The following HECW1 variants were observed in gnomAD, a reference collection of about 807,000 sequenced individuals.
The protein encoded by HECW1 is E3 ubiquitin-protein ligase HECW1.
HECW1 carries 61 observed loss-of-function variants against 182.3 expected under a neutral mutation model. The ratio of observed to expected loss-of-function variants is 0.33; its 90% CI spans 0.27 to 0.41. The LOEUF is 0.41. Ranked by LOEUF, HECW1 falls within the 10% of genes least tolerant of loss-of-function variation. HECW1 has a pLI of 1.00. For synonymous variants in HECW1, 859 were observed against 832.6 expected, an observed-to-expected ratio of 1.03 and a Z score of -0.55; for missense variants, 1,739 against 2,108.9, an observed-to-expected ratio of 0.82 and a Z score of 3.44.
intron 6 of HECW1, among the ~76,000 whole-genome samples, chr7:43,375,774 T>A (rs2074296487): frequency 6.7e-6 from 1 of 150,182 alleles, no homozygotes; most frequent in Non-Finnish European, 1.5e-5. Context: ...GTGCCTGTAA[T>A]CCCAGCTACT....
At chr7:43,280,407 G>A (rs926498218) in intron 3 of HECW1, among the ~76,000 whole-genome samples, 2 of 152,106 alleles carry the variant, frequency 1.3e-5, no homozygotes, top group Non-Finnish European at 2.9e-5. Context: ...CTCCAAAAAA[G>A]GGCGATTAAA....
chr7:43,534,832 C>T (rs1333781875), intron 24 of HECW1, among the ~76,000 whole-genome samples: 3 of 152,192 alleles, frequency 2.0e-5, no homozygotes, highest in Admixed American at 6.5e-5. Flanking sequence ...GCCCAATCCA[C>T]GTTTTCACTC....
chr7:43,114,877 T>G (rs1784919169), intron 2 of HECW1, among the ~76,000 whole-genome samples: 1 of 152,240 alleles, frequency 6.6e-6, no homozygotes, highest in African/African-American at 2.4e-5. Context: ...CTGTTATTTG[T>G]GTATATAGCA....
intron 2 of HECW1, among the ~76,000 whole-genome samples, chr7:43,125,584 G>C (rs189055136): frequency 5.6e-4 from 84 of 150,680 alleles, no homozygotes; most frequent in African/African-American, 1.8e-3. Context: ...GTGAAACCTC[G>C]TCTGTACTAA....
chr7:43,362,407 G>A (rs1373595133), intron 6 of HECW1, among the ~76,000 whole-genome samples: 1 of 152,198 alleles, frequency 6.6e-6, no homozygotes, highest in Admixed American at 6.5e-5. Context: ...AGTGGGAAGA[G>A]AGGGAGAGGC....
intron 3 of HECW1, among the ~76,000 whole-genome samples, chr7:43,272,051 C>A (rs1324965780): frequency 6.6e-6 from 1 of 151,946 alleles, no homozygotes; most frequent in Non-Finnish European, 1.5e-5. Flanking sequence ...CACCCCCCTA[C>A]AGTCATGTAA....
At position 43,443,422 on chromosome 7, in the gene HECW1, A is replaced by G. The variant is rs150861238; in HGVS notation, c.1045+793A>G. Among the ~76,000 whole-genome samples the G allele has an allele frequency of 7.8e-3, 1,183 of 152,340 alleles. 10 individuals are homozygous for G. Among genetic ancestry groups the G allele is most frequent in the Admixed American group, 0.012 (184 of 15,304 alleles). On this transcript the variant is annotated intron_variant, in intron 10 of 29. Transcript: ENST00000395891. Reference sequence around the variant, plus strand: ...TATTTTGTCTTTTCAAATTCAGTCTATTTCTATATTCTGAGAATACAACTG... The same window carrying G: ...TATTTTGTCTTTTCAAATTCAGTCTGTTTCTATATTCTGAGAATACAACTG...
chr7:43,213,477 G>A (rs1481484892), intron 2 of HECW1, among the ~76,000 whole-genome samples: 5 of 127,578 alleles, frequency 3.9e-5, no homozygotes, highest in African/African-American at 1.5e-4. Context: ...ACGGAGTCTC[G>A]CTCTGTCGCC....
intron 2 of HECW1, chr7:43,163,142 T>C (rs1202213697): frequency 1.3e-5 from 2 of 152,262 alleles, no homozygotes; most frequent in African/African-American, 4.8e-5. Context: ...AGCCTTTTGC[T>C]GTATCCCATC....
intron 3 of HECW1, among the ~76,000 whole-genome samples, chr7:43,279,421 C>CA (rs1268531208): frequency 6.6e-6 from 1 of 151,874 alleles, no homozygotes. Context: ...TAAAGTGTCC[C>CA]ATGGCATTTA....
At chr7:43,218,382 C>T (rs1796628411) in intron 2 of HECW1, among the ~76,000 whole-genome samples, 1 of 152,144 alleles carries the variant, frequency 6.6e-6, no homozygotes, top group African/African-American at 2.4e-5. Flanking sequence ...AACAAGAGGA[C>T]AAGACGTATC....
At chr7:43,494,251 T>C (rs61397463) in intron 19 of HECW1, among the ~76,000 whole-genome samples, 14,730 of 152,056 alleles carry the variant, frequency 0.097, 1,024 homozygotes, top group African/African-American at 0.19. Context: ...CTCTCCTCCC[T>C]CTTCTTCCAC....
chr7:43,327,426 A>G (rs1810939795), intron 5 of HECW1, among the ~76,000 whole-genome samples: 1 of 152,198 alleles, frequency 6.6e-6, no homozygotes, highest in Non-Finnish European at 1.5e-5. Context: ...GTCGTGAAGT[A>G]ATTCGTGTTG....
chr7:43,121,594 A>G (rs1187943113), intron 2 of HECW1, among the ~76,000 whole-genome samples: 1 of 152,162 alleles, frequency 6.6e-6, no homozygotes, highest in Non-Finnish European at 1.5e-5. Flanking sequence ...TATTTTATAT[A>G]TCACTATATG....
At chr7:43,531,549 C>T (rs754675040) in intron 24 of HECW1, among the ~76,000 whole-genome samples, 2 of 152,232 alleles carry the variant, frequency 1.3e-5, no homozygotes. Context: ...CCCTCCTCCA[C>T]TGACCACTCC....
chr7:43,461,814 G>C (rs2077593657), intron 13 of HECW1, among the ~76,000 whole-genome samples: 1 of 152,136 alleles, frequency 6.6e-6, no homozygotes, highest in Non-Finnish European at 1.5e-5. Flanking sequence ...ACCACTACAG[G>C]CAAAGGTGGC....
At chr7:43,557,560 G>C (rs745570097) in intron 29 of HECW1, among the ~76,000 whole-genome samples, 5 of 152,220 alleles carry the variant, frequency 3.3e-5, no homozygotes, top group Non-Finnish European at 5.9e-5. Context: ...GGGCTTGGGT[G>C]TTCACCCTGT....
intron 24 of HECW1, chr7:43,523,052 A>G (rs1178705072): frequency 1.6e-5 from 7 of 446,908 alleles, no homozygotes; most frequent in Non-Finnish European, 3.1e-5. Flanking sequence ...CCCCCAGGCT[A>G]GAGTGCAATG....
intron 19 of HECW1, among the ~76,000 whole-genome samples, chr7:43,500,281 G>A (rs1391909349): frequency 1.3e-5 from 2 of 152,034 alleles, no homozygotes; most frequent in Admixed American, 6.6e-5. Flanking sequence ...TGTATTGTTA[G>A]TAGAGACAAG....
Sources: gnomAD v4.1 joint callset for allele counts (sites outside exome capture counted in the v4.1 genomes callset) on GRCh38, gnomAD v4.1.1 for gene constraint, MANE v1.5 for transcripts, NCBI Gene and HGNC (gene_info 2026-07-23, HGNC 2026-07-21) for gene names.